KDF1: variants seen among roughly 807,000 people sequenced by gnomAD.
The protein encoded by KDF1 is keratinocyte differentiation factor 1.
A neutral mutation model predicts 31.6 loss-of-function variants in KDF1; 11 were observed. The ratio of observed to expected loss-of-function variants is 0.35; its 90% CI spans 0.22 to 0.58. KDF1 has a LOEUF of 0.58. Among genes scored for constraint, KDF1 ranks in the 20% least tolerant of loss-of-function variants. KDF1 has a pLI of 0.83. For synonymous variants in KDF1, 205 were observed against 214.4 expected (o/e 0.96, Z 0.38); for missense variants, 476 against 549.1 (o/e 0.87, Z 1.33).
Position 26,950,213 on chromosome 1 carries a change from T to A in KDF1, c.1115-62A>T. 1 of 1,470,762 alleles carries A rather than the reference T, an allele frequency of 6.8e-7. No individual in the cohort carries two copies. The highest frequency in any genetic ancestry group is 2.3e-5 in the East Asian group (1 of 44,002). The allele number at this position is 1,470,762 out of a possible 1,614,324, so 91.1% of individuals were successfully genotyped here. On this transcript the variant is annotated intron_variant, in intron 3 of 3. Transcript: ENST00000320567. This position sits in a 1 kb window ranked among gnomAD's most constrained non-coding sequence, Gnocchi z 4.0. ...GGGGAAGGAGCTCATCCAGATCCCATGACCAGGGAGAAGCCTGCTGAGAAG... is the reference window on the plus strand; with the variant it reads ...GGGGAAGGAGCTCATCCAGATCCCAAGACCAGGGAGAAGCCTGCTGAGAAG...
At position 26,950,863 on chromosome 1, in the gene KDF1, A is replaced by G; in HGVS notation, c.1040-107T>C. ...AGGGAGGAGCCACTCACTCCTGGGCAGGGCTAGAAAAATAATGCTTAAAGA... is the reference window on the plus strand; with the variant it reads ...AGGGAGGAGCCACTCACTCCTGGGCGGGGCTAGAAAAATAATGCTTAAAGA... On this transcript the variant is annotated intron_variant, in intron 2 of 3. Transcript: ENST00000320567. This position sits in a 1 kb window ranked among gnomAD's most constrained non-coding sequence, Gnocchi z 4.0. 1.1e-6 allele frequency: 1 copy of G among 943,746 alleles called. No individual in the cohort carries two copies. Among genetic ancestry groups the G allele is most frequent in the Non-Finnish European group, 1.7e-6 (1 of 595,816 alleles). 58.5% of individuals were successfully genotyped at this position (943,746 alleles called of 1,614,324 possible). A position where few individuals can be genotyped will look rare whatever the true frequency, so the allele number is the denominator to read the frequency against.
rs371743170 is a variant in KDF1 at position 26,951,677 on chromosome 1, G to A, written c.704C>T (p.Ser235Leu). 13 of 1,613,650 alleles carry A rather than the reference G, an allele frequency of 8.1e-6. No homozygotes were observed. Among genetic ancestry groups the A allele is most frequent in the South Asian group, 1.1e-5 (1 of 91,074 alleles). The stretch of plus-strand genomic sequence containing the variant: ...GATGAGCACATCAATTTCTCGGCTC[G>A]ACATGGAGCCACTGCCCATCTCCGG... ...DLPEMGSGSM[S>L]SREIDVLIFK... Residue 235 changes from serine to leucine, a missense_variant, in exon 2 of 4, where the codon TCG becomes TTG. This residue lies in a region of KDF1 where 330 missense variants were observed against 332.3 expected (regional missense o/e 0.99). Coordinates refer to ENST00000320567, the MANE Select transcript of KDF1 (RefSeq NM_152365.3). This position sits in a 1 kb window ranked among gnomAD's most constrained non-coding sequence, Gnocchi z 5.4.
intron 1 of KDF1, among the ~76,000 whole-genome samples, chr1:26,958,809 C>T (rs977321039): frequency 6.6e-6 from 1 of 152,166 alleles, no homozygotes; most frequent in African/African-American, 2.4e-5. Flanking sequence ...AGGCTCAAGC[C>T]TTCAGGAGAG....
At chr1:26,955,826 G>A (rs754291948) in intron 1 of KDF1, among the ~76,000 whole-genome samples, 10 of 152,072 alleles carry the variant, frequency 6.6e-5, no homozygotes, top group Non-Finnish European at 1.0e-4. Flanking sequence ...GTGGTGGAGC[G>A]TGCCTGTAAT....
Position 26,949,806 on chromosome 1 carries a change from T to A in KDF1, c.*263A>T. On this transcript the variant is annotated 3_prime_UTR_variant, in exon 4 of 4. Transcript: ENST00000320567. ...GAAGGTAATGCCTAACTCCTTACTTTCCATGATCAGGCCACCTGAAGACCA... is the reference window on the plus strand; with the variant it reads ...GAAGGTAATGCCTAACTCCTTACTTACCATGATCAGGCCACCTGAAGACCA... 6.9e-6 allele frequency: 3 copies of A among 432,690 alleles called. No homozygotes were observed. In the South Asian group the frequency reaches 7.3e-5, roughly 11 times the overall value. 26.8% of individuals were successfully genotyped at this position (432,690 alleles called of 1,614,324 possible).
In KDF1 at chr1:26,960,076, T is replaced by C. The variant is rs570732931; in HGVS notation, c.-33+274A>G. On this transcript the variant is annotated intron_variant, in intron 1 of 3. Transcript: ENST00000320567. This position sits in a 1 kb window ranked among gnomAD's most constrained non-coding sequence, Gnocchi z 4.9. ...TGTTCCTCGGGGTGAGCACCAGCGT[T>C]TGTCCCATCCCGACGCTGCCCCCCG... 6.6e-6 allele frequency among the ~76,000 whole-genome samples: 1 copy of C among 152,120 alleles called. No homozygotes were observed. The highest frequency in any genetic ancestry group is 6.5e-5 in the Admixed American group (1 of 15,304).
At position 26,952,971 on chromosome 1, in the gene KDF1, G is replaced by A. The variant is rs899333618; in HGVS notation, c.-32-559C>T. On this transcript the variant is annotated intron_variant, in intron 1 of 3. Coordinates refer to ENST00000320567, the MANE Select transcript of KDF1 (RefSeq NM_152365.3). This position sits in a 1 kb window ranked among gnomAD's most constrained non-coding sequence, Gnocchi z 4.1. ...TGCACTCCAGCCTGGGCAACAGGGC[G>A]AGACTGTGTCTCAAAAAAAAAAAAG... 3.3e-5 allele frequency among the ~76,000 whole-genome samples: 5 copies of A among 150,774 alleles called. No individual in the cohort carries two copies. The highest frequency in any genetic ancestry group is 4.4e-5 in the Non-Finnish European group (3 of 67,774).
Position 26,951,304 on chromosome 1 carries a change from C to T in KDF1, c.1039+38G>A, listed in dbSNP as rs758595105. 5 of 1,488,648 alleles carry T rather than the reference C, an allele frequency of 3.4e-6. No homozygotes were observed. The South Asian group carries it at 5.4e-5, about 16-fold the overall frequency. 92.2% of individuals were successfully genotyped at this position (1,488,648 alleles called of 1,614,324 possible). On this transcript the variant is annotated intron_variant, in intron 2 of 3. Coordinates refer to ENST00000320567, the MANE Select transcript of KDF1 (RefSeq NM_152365.3). The surrounding 1 kb of genome is among the most constrained non-coding windows in gnomAD (Gnocchi z 5.4). ...CAACCCTCCCCTGGCCAGAGCCTCC[C>T]CTACTCTGCCCCTCAGCCCCATGGG...
Position 26,950,027 on chromosome 1 carries a change from T to C in KDF1, c.*42A>G, listed in dbSNP as rs1284312477. ...GTCCCCCTCTTCATTCTGTAGGCCA[T>C]GCTTCTCCCAGAAAGGGTGTGGCAG... On this transcript the variant is annotated 3_prime_UTR_variant, in exon 4 of 4. Coordinates refer to ENST00000320567, the MANE Select transcript of KDF1 (RefSeq NM_152365.3). The surrounding 1 kb of genome is among the most constrained non-coding windows in gnomAD (Gnocchi z 4.0). 2 of 1,571,650 alleles carry C rather than the reference T, an allele frequency of 1.3e-6. No individual in the cohort carries two copies. The highest frequency in any genetic ancestry group is 1.8e-6 in the Non-Finnish European group (2 of 1,142,500).
Position 26,952,786 on chromosome 1 carries a change from A to G in KDF1, c.-32-374T>C, listed in dbSNP as rs1251651479. On this transcript the variant is annotated intron_variant, in intron 1 of 3. Transcript: ENST00000320567. The surrounding 1 kb of genome is among the most constrained non-coding windows in gnomAD (Gnocchi z 4.1). ...ACCTGAGGTCAGGAGTTCGAGACCA[A>G]CCTGACTAACATGGTGAAACTCCGT... Among the ~76,000 whole-genome samples the G allele has an allele frequency of 6.6e-6, 1 of 151,922 alleles. No individual in the cohort carries two copies. Among genetic ancestry groups the G allele is most frequent in the East Asian group, 1.9e-4 (1 of 5,172 alleles).
intron 1 of KDF1, among the ~76,000 whole-genome samples, chr1:26,954,224 GTTTTTTT>G (rs544512521): frequency 1.5e-5 from 2 of 134,720 alleles, no homozygotes; most frequent in East Asian, 2.2e-4. Flanking sequence ...GCTTAAATAT[GTTTTTTT>G]TTTTTTTTTT....
At chr1:26,956,167 G>A (rs932904397) in intron 1 of KDF1, among the ~76,000 whole-genome samples, 2 of 152,076 alleles carry the variant, frequency 1.3e-5, no homozygotes, top group African/African-American at 2.4e-5. Context: ...TGAATTAATG[G>A]CACTGGGGTC....
chr1:26,950,186 CAG>C lies in KDF1; in HGVS notation c.1115-37_1115-36del. Reference sequence around the variant, plus strand: ...AGGAGAGGAGAGGAGGAAACAGGCTCAGGGGAAGGAGCTCATCCAGATCCCAT... The same window carrying C: ...AGGAGAGGAGAGGAGGAAACAGGCTCGGGAAGGAGCTCATCCAGATCCCAT... On this transcript the variant is annotated intron_variant, in intron 3 of 3. Coordinates refer to ENST00000320567, the MANE Select transcript of KDF1 (RefSeq NM_152365.3). The surrounding 1 kb of genome is among the most constrained non-coding windows in gnomAD (Gnocchi z 4.0). 6.3e-7 allele frequency: 1 copy of C among 1,575,466 alleles called. No homozygotes were observed. Among genetic ancestry groups the C allele is most frequent in the South Asian group, 1.1e-5 (1 of 90,122 alleles).
chr1:26,950,248 G>A lies in KDF1; in HGVS notation c.1115-97C>T. 8.6e-7 allele frequency: 1 copy of A among 1,167,508 alleles called. No homozygotes were observed. The highest frequency in any genetic ancestry group is 1.3e-6 in the Non-Finnish European group (1 of 782,988). The allele number at this position is 1,167,508 out of a possible 1,614,324, so 72.3% of individuals were successfully genotyped here. A position where few individuals can be genotyped will look rare whatever the true frequency, so the allele number is the denominator to read the frequency against. On this transcript the variant is annotated intron_variant, in intron 3 of 3. Transcript: ENST00000320567. This position sits in a 1 kb window ranked among gnomAD's most constrained non-coding sequence, Gnocchi z 4.0. ...GAAGCCTGCTGAGAAGGAGCAGAGTGGGACTTGAGCCTGGGTCAGTCTGAT... is the reference window on the plus strand; with the variant it reads ...GAAGCCTGCTGAGAAGGAGCAGAGTAGGACTTGAGCCTGGGTCAGTCTGAT...
intron 1 of KDF1, among the ~76,000 whole-genome samples, chr1:26,959,805 C>T (rs1345995080): frequency 6.6e-6 from 1 of 152,178 alleles, no homozygotes; most frequent in African/African-American, 2.4e-5. Context: ...GGAGGACCAC[C>T]CCAGTCCTGC....
intron 1 of KDF1, among the ~76,000 whole-genome samples, chr1:26,959,818 G>A (rs1011438529): frequency 6.6e-6 from 1 of 152,134 alleles, no homozygotes. Flanking sequence ...AGTCCTGCTC[G>A]AGAAACAGCC....
At chr1:26,955,146 C>T (rs1168304420) in intron 1 of KDF1, among the ~76,000 whole-genome samples, 8 of 152,292 alleles carry the variant, frequency 5.3e-5, no homozygotes, top group African/African-American at 1.9e-4. Flanking sequence ...GCATGAGCCA[C>T]TGCACCCAGC....
chr1:26,951,434 G>A lies in KDF1; in HGVS notation c.947C>T (p.Ser316Leu), dbSNP rs780424265. The change falls in exon 2 of 4, where the codon TCG becomes TTG. Residue 316 changes from serine to leucine, a missense_variant. Physicochemically the swap from Ser to Leu is moderately radical, Grantham distance 145 (BLOSUM62 -2). Coordinates refer to ENST00000320567, the MANE Select transcript of KDF1 (RefSeq NM_152365.3). The surrounding 1 kb of genome is among the most constrained non-coding windows in gnomAD (Gnocchi z 5.4). Reference protein sequence around the residue: ...TRKSRARPQTSEGRSTRAAAP... With the variant: ...TRKSRARPQTLEGRSTRAAAP... ...AGCAGCCCGAGTTGAACGACCCTCC[G>A]AGGTCTGTGGGCGAGCACGGCTCTT... 18 of 1,613,332 alleles carry A rather than the reference G, an allele frequency of 1.1e-5. No homozygotes were observed. The highest frequency in any genetic ancestry group is 6.7e-5 in the East Asian group (3 of 44,864).
At chr1:26,955,877 C>T (rs1357376114) in intron 1 of KDF1, among the ~76,000 whole-genome samples, 1 of 152,162 alleles carries the variant, frequency 6.6e-6, no homozygotes, top group Non-Finnish European at 1.5e-5. Context: ...ATCGCTTGAA[C>T]TTGGGAGGCG....
Sources: gnomAD v4.1 joint callset for allele counts (sites outside exome capture counted in the v4.1 genomes callset) on GRCh38, gnomAD v4.1.1 for gene constraint, gnomAD v4.1.1 regional missense constraint, Gnocchi (gnomAD v3.1) non-coding constraint, MANE v1.5 for transcripts, NCBI Gene and HGNC (gene_info 2026-07-23, HGNC 2026-07-21) for gene names.